CCDC3: variants seen among roughly 807,000 people sequenced by gnomAD.
CCDC3 encodes the protein coiled-coil domain-containing protein 3.
CCDC3 carries 24 observed loss-of-function variants against 21.4 expected under a neutral mutation model. The observed-to-expected ratio is 1.12, with a 90% CI of 0.81 to 1.58. CCDC3 has a LOEUF of 1.58. Ranked by LOEUF, CCDC3 falls within the 40% of genes most tolerant of loss-of-function variation. The pLI, the probability that CCDC3 is intolerant of heterozygous loss-of-function variation, is 0.00. For missense variants in CCDC3, 425 were observed against 360.9 expected (o/e 1.18, Z -1.44); for synonymous variants, 186 against 166.0 (o/e 1.12, Z -0.93).
chr10:13,097,626 A>C (rs1216886363), intron 3 of CCDC3, among the ~76,000 whole-genome samples: 1 of 152,222 alleles, frequency 6.6e-6, no homozygotes, highest in Non-Finnish European at 1.5e-5. Context: ...TGGGAGGCTG[A>C]GGCAGGAGAA....
At chr10:12,936,234 G>T (rs1308177094) in intron 2 of CCDC3, among the ~76,000 whole-genome samples, 1 of 151,994 alleles carries the variant, frequency 6.6e-6, no homozygotes, top group Admixed American at 6.6e-5. Flanking sequence ...AGAATTGTAG[G>T]GTTGTTTTTT....
intron 2 of CCDC3, among the ~76,000 whole-genome samples, chr10:12,929,189 G>A (rs143478928): frequency 0.049 from 7,427 of 150,536 alleles, 373 homozygotes; most frequent in African/African-American, 0.12. Flanking sequence ...TTGAACCCAG[G>A]GGGTGGAGGT....
intron 2 of CCDC3, among the ~76,000 whole-genome samples, chr10:12,976,452 G>A (rs1835419302): frequency 6.6e-6 from 1 of 152,150 alleles, no homozygotes; most frequent in African/African-American, 2.4e-5. Context: ...GGGGCAGAGG[G>A]CTGAGGAGCT....
At chr10:13,011,372 T>A (rs989543813) in intron 5 of CCDC3, among the ~76,000 whole-genome samples, 3 of 152,034 alleles carry the variant, frequency 2.0e-5, no homozygotes, top group African/African-American at 7.2e-5. Flanking sequence ...CAAAAATCAG[T>A]AGCACTCCTA....
chr10:12,996,359 G>A (rs1224379157), intron 2 of CCDC3, among the ~76,000 whole-genome samples: 8 of 152,120 alleles, frequency 5.3e-5, no homozygotes, highest in East Asian at 1.9e-4. Context: ...TCTTTGAGAT[G>A]GAGTCTTACT....
intron 2 of CCDC3, among the ~76,000 whole-genome samples, chr10:12,913,287 A>C (rs1834298586): frequency 6.6e-6 from 1 of 152,256 alleles, no homozygotes; most frequent in African/African-American, 2.4e-5. Context: ...TTCAGTGTAC[A>C]GTGGTTTCAC....
At chr10:12,980,176 C>T (rs12762211) in intron 2 of CCDC3, among the ~76,000 whole-genome samples, 6,769 of 152,256 alleles carry the variant, frequency 0.044, 183 homozygotes, top group Middle Eastern at 0.085. Context: ...ATCTCTGGGG[C>T]CCCAAGTCCC....
At chr10:12,898,798 C>T (rs1834050274) in intron 2 of CCDC3, 119 bp from the exon 3 acceptor site, 1 of 1,189,414 alleles carries the variant, frequency 8.4e-7, no homozygotes. Flanking sequence ...ATTCCCCACC[C>T]CAGCATGGGC....
At chr10:12,972,186 A>C (rs1394253143) in intron 2 of CCDC3, among the ~76,000 whole-genome samples, 1 of 152,094 alleles carries the variant, frequency 6.6e-6, no homozygotes, top group Admixed American at 6.5e-5. Flanking sequence ...ACATGCCCTT[A>C]AACTCAACCC....
At chr10:12,998,808 A>C (rs73583889) in intron 1 of CCDC3, among the ~76,000 whole-genome samples, 3,448 of 152,208 alleles carry the variant, frequency 0.023, 143 homozygotes, top group African/African-American at 0.078. Flanking sequence ...CTTCTCAAAG[A>C]GTGTTCCTTA....
intron 2 of CCDC3, among the ~76,000 whole-genome samples, chr10:12,982,967 C>T (rs188246096): frequency 4.7e-5 from 7 of 150,512 alleles, no homozygotes; most frequent in Non-Finnish European, 8.9e-5. Context: ...CAAAAGTTAG[C>T]TGGGCATGGT....
rs11448002 is a variant in CCDC3, at chr10:13,035,033, T to TAAA, written c.-2+14638_-2+14640dup. ...AAAGTGAGACTCTGTCTCAAAAAAT[T>TAAA]AAAAAAAAAAAATTAAAAAAAAAAG... On this transcript the variant is annotated intron_variant, in intron 5 of 6. Coordinates refer to the CCDC3 transcript ENST00000378839. Among the ~76,000 whole-genome samples, 126 of 139,648 alleles carry TAAA rather than the reference T, an allele frequency of 9.0e-4. 4 individuals carry two copies. The highest frequency in any genetic ancestry group is 6.8e-4 in the South Asian group (3 of 4,388). 91.6% of individuals were successfully genotyped at this position (139,648 alleles called of 152,430 possible).
At chr10:12,973,894 GACCTGGA>G (rs1835378125) in intron 2 of CCDC3, among the ~76,000 whole-genome samples, 1 of 148,274 alleles carries the variant, frequency 6.7e-6, no homozygotes, top group Non-Finnish European at 1.5e-5. Context: ...GGCATTAGGA[GACCTGGA>G]ATTTTTTTTC....
At chr10:13,073,671 G>A (rs1360531283) in intron 4 of CCDC3, among the ~76,000 whole-genome samples, 3 of 152,020 alleles carry the variant, frequency 2.0e-5, no homozygotes, top group Non-Finnish European at 4.4e-5. Context: ...ATTTTTTGTA[G>A]AGACAGGGTT....
chr10:13,063,102 C>CA (rs1164778853), intron 4 of CCDC3, among the ~76,000 whole-genome samples: 1 of 33,542 alleles, frequency 3.0e-5, no homozygotes, highest in Non-Finnish European at 5.8e-5. Context: ...CTGGCTTACC[C>CA]CCACCCACCA....
chr10:13,039,079 G>A (rs756974820), intron 5 of CCDC3, among the ~76,000 whole-genome samples: 19 of 152,134 alleles, frequency 1.2e-4, no homozygotes, highest in Non-Finnish European at 2.5e-4. Context: ...GTTCAAATAA[G>A]CAAGCACTGG....
intron 5 of CCDC3, among the ~76,000 whole-genome samples, chr10:13,015,470 C>T (rs1247643028): frequency 2.6e-5 from 4 of 151,822 alleles, no homozygotes; most frequent in Non-Finnish European, 4.4e-5. Context: ...GTCATCACAG[C>T]GGTTACTGTG....
chr10:12,934,376 A>G lies in CCDC3; in HGVS notation c.550-35697T>C, dbSNP rs115521636. Among the ~76,000 whole-genome samples the G allele has an allele frequency of 4.0e-3, 612 of 152,290 alleles. 2 individuals carry two copies. Among genetic ancestry groups the G allele is most frequent in the African/African-American group, 0.014 (587 of 41,568 alleles). ...TGTTTTATGACCCAGAATGTGATCT[A>G]TCTTGGTAAATGTTACATGTGAGCT... On this transcript the variant is annotated intron_variant, in intron 2 of 2. Coordinates refer to ENST00000378825, the MANE Select transcript of CCDC3 (RefSeq NM_031455.4).
chr10:12,944,925 A>G (rs1487777005), intron 2 of CCDC3, among the ~76,000 whole-genome samples: 1 of 152,234 alleles, frequency 6.6e-6, no homozygotes, highest in African/African-American at 2.4e-5. Flanking sequence ...AGGTTTTAAT[A>G]TTCTTACCAA....
Sources: gnomAD v4.1 joint callset for allele counts (sites outside exome capture counted in the v4.1 genomes callset) on GRCh38, gnomAD v4.1.1 for gene constraint, MANE v1.5 for transcripts, NCBI Gene and HGNC (gene_info 2026-07-23, HGNC 2026-07-21) for gene names.